MACROD2: variants seen among roughly 807,000 people sequenced by gnomAD.
MACROD2 encodes ADP-ribose glycohydrolase MACROD2.
Under a neutral mutation model 70.4 loss-of-function variants are expected in MACROD2, and 36 were observed. The observed-to-expected ratio is 0.51, with a 90% CI of 0.39 to 0.68. The LOEUF (loss-of-function observed/expected upper bound fraction) is 0.68. Among genes scored for constraint, MACROD2 ranks in the 30% least tolerant of loss-of-function variants. The pLI, the probability that MACROD2 is intolerant of heterozygous loss-of-function variation, is 0.00. For missense variants in MACROD2, 496 were observed against 538.4 expected (o/e 0.92, Z 0.78); for synonymous variants, 172 against 178.8 (o/e 0.96, Z 0.30).
intron 5 of MACROD2, among the ~76,000 whole-genome samples, chr20:15,078,604 T>C (rs769733933): frequency 6.6e-6 from 1 of 152,318 alleles, no homozygotes; most frequent in African/African-American, 2.4e-5. Flanking sequence ...CCAGGCCATG[T>C]GTATTCTTCC....
chr20:15,016,757 G>A (rs539281379), intron 5 of MACROD2, among the ~76,000 whole-genome samples: 6 of 152,212 alleles, frequency 3.9e-5, no homozygotes, highest in East Asian at 1.9e-4. Flanking sequence ...GAGGCAAAAC[G>A]CTTGTCTTAC....
intron 4 of MACROD2, among the ~76,000 whole-genome samples, chr20:14,660,573 A>G (rs1986176804): frequency 6.6e-6 from 1 of 152,226 alleles, no homozygotes; most frequent in African/African-American, 2.4e-5. Context: ...TTCAGGGGGT[A>G]CATAAGTAAT....
At chr20:14,700,391 A>G (rs932596504) in intron 5 of MACROD2, among the ~76,000 whole-genome samples, 15 of 152,126 alleles carry the variant, frequency 9.9e-5, no homozygotes, top group African/African-American at 7.2e-5. Context: ...GACCTTTTAT[A>G]TCATAATTGA....
intron 3 of MACROD2, among the ~76,000 whole-genome samples, chr20:14,190,728 T>TTTC (rs765628902): frequency 0.012 from 841 of 71,420 alleles, 65 homozygotes; most frequent in South Asian, 0.019. Flanking sequence ...TTTTTTTTTT[T>TTTC]CCAGAGTCTT....
chr20:14,115,659 A>G (rs1412795670), intron 3 of MACROD2, among the ~76,000 whole-genome samples: 1 of 152,210 alleles, frequency 6.6e-6, no homozygotes, highest in Non-Finnish European at 1.5e-5. Context: ...GTGTTCACCA[A>G]TTAGAAGTTC....
intron 6 of MACROD2, among the ~76,000 whole-genome samples, chr20:15,254,440 G>C (rs2077181423): frequency 6.6e-6 from 1 of 152,032 alleles, no homozygotes; most frequent in Non-Finnish European, 1.5e-5. Flanking sequence ...GGAAAGAGCA[G>C]GACTGTAGCT....
At chr20:14,247,600 A>G (rs906419827) in intron 3 of MACROD2, among the ~76,000 whole-genome samples, 1 of 152,228 alleles carries the variant, frequency 6.6e-6, no homozygotes, top group African/African-American at 2.4e-5. Flanking sequence ...ATGTTCCAAA[A>G]TCCAAAACTT....
intron 5 of MACROD2, chr20:14,893,624 A>G (rs552812741): frequency 6.6e-6 from 1 of 152,158 alleles, no homozygotes; most frequent in East Asian, 1.9e-4. Context: ...TTATTTGACT[A>G]CTAGTAAAAT....
At chr20:15,690,117 C>G (rs905502570) in intron 8 of MACROD2, among the ~76,000 whole-genome samples, 1 of 152,236 alleles carries the variant, frequency 6.6e-6, no homozygotes, top group Non-Finnish European at 1.5e-5. Context: ...GTCTGCTGTG[C>G]GCAGAATGCT....
At chr20:14,522,504 C>T (rs1568652667) in intron 4 of MACROD2, among the ~76,000 whole-genome samples, 1 of 152,196 alleles carries the variant, frequency 6.6e-6, no homozygotes, top group Non-Finnish European at 1.5e-5. Flanking sequence ...GGGTAAGGTG[C>T]CTCTACTCTG....
At chr20:14,565,185 G>C (rs938208895) in intron 4 of MACROD2, among the ~76,000 whole-genome samples, 2 of 151,774 alleles carry the variant, frequency 1.3e-5, no homozygotes, top group Non-Finnish European at 2.9e-5. Flanking sequence ...ACTCCAAATG[G>C]TGGGAAGATG....
chr20:16,021,885 C>T (rs2067006089), intron 15 of MACROD2, among the ~76,000 whole-genome samples: 1 of 152,096 alleles, frequency 6.6e-6, no homozygotes, highest in Admixed American at 6.5e-5. Flanking sequence ...CACAATCCAA[C>T]AAAATATAAG....
At chr20:14,080,175 G>A (rs1203147462) in intron 2 of MACROD2, among the ~76,000 whole-genome samples, 1 of 152,074 alleles carries the variant, frequency 6.6e-6, no homozygotes, top group African/African-American at 2.4e-5. Flanking sequence ...CAGGCACGGT[G>A]GCTCACGCCT....
chr20:15,039,602 CA>C (rs2123022581), intron 5 of MACROD2, among the ~76,000 whole-genome samples: 1 of 150,336 alleles, frequency 6.7e-6, no homozygotes, highest in African/African-American at 2.4e-5. Flanking sequence ...ACCACAGTGG[CA>C]GATTTCAAGG....
At chr20:14,949,058 T>C (rs1190611141) in intron 5 of MACROD2, among the ~76,000 whole-genome samples, 1 of 152,174 alleles carries the variant, frequency 6.6e-6, no homozygotes, top group Non-Finnish European at 1.5e-5. Context: ...TTTTGGAAAA[T>C]ATGTACACTT....
intron 6 of MACROD2, among the ~76,000 whole-genome samples, chr20:15,324,285 G>A (rs910762958): frequency 6.6e-6 from 1 of 151,952 alleles, no homozygotes; most frequent in Admixed American, 6.6e-5. Context: ...AAAGATTTAG[G>A]TATAACCTGA....
intron 3 of MACROD2, among the ~76,000 whole-genome samples, chr20:14,243,560 G>A (rs184037590): frequency 1.0e-3 from 157 of 152,040 alleles, no homozygotes; most frequent in Middle Eastern, 3.4e-3. Context: ...TTGCCTGTAC[G>A]GAAAACACAG....
At chr20:14,766,163 A>T (rs1373482640) in intron 5 of MACROD2, among the ~76,000 whole-genome samples, 1 of 152,042 alleles carries the variant, frequency 6.6e-6, no homozygotes, top group African/African-American at 2.4e-5. Flanking sequence ...TGAAGAGTGT[A>T]GTCATTATAG....
At chr20:14,507,839 G>A (rs1406235741) in intron 4 of MACROD2, among the ~76,000 whole-genome samples, 3 of 152,096 alleles carry the variant, frequency 2.0e-5, no homozygotes, top group African/African-American at 4.8e-5. Flanking sequence ...GATTGAGTGC[G>A]CTGGCCTGTT....
Sources: gnomAD v4.1 joint callset for allele counts (sites outside exome capture counted in the v4.1 genomes callset) on GRCh38, gnomAD v4.1.1 for gene constraint, MANE v1.5 for transcripts, NCBI Gene and HGNC (gene_info 2026-07-23, HGNC 2026-07-21) for gene names.